Variants in CTXND1 observed in about 807,000 individuals in gnomAD.
CTXND1 encodes the protein cortexin domain-containing 1 protein.
intron 1 of CTXND1, among the ~76,000 whole-genome samples, chr15:80,235,079 T>C (rs1893478974): frequency 6.6e-6 from 1 of 152,122 alleles, no homozygotes; most frequent in African/African-American, 2.4e-5. Flanking sequence ...TTCCTTTGCC[T>C]CTCAGCTGCT....
At chr15:80,214,369 A>G (rs1057171596) in intron 1 of CTXND1, among the ~76,000 whole-genome samples, 1 of 152,198 alleles carries the variant, frequency 6.6e-6, no homozygotes, top group African/African-American at 2.4e-5. Flanking sequence ...GGGAATAGAC[A>G]TTGTTTTCAA....
chr15:80,198,610 C>CT lies in CTXND1; in HGVS notation c.*3159dup, dbSNP rs1442451480. Reference sequence around the variant, plus strand: ...CAACTGAAGCCTGAGATTCCAGTTGCTTTTTTCTCCTTAATATGATCCAGT... The same window carrying CT: ...CAACTGAAGCCTGAGATTCCAGTTGCTTTTTTTCTCCTTAATATGATCCAGT... On this transcript the variant is annotated 3_prime_UTR_variant, in exon 3 of 3. Transcript: ENST00000560778. The CT allele has an allele frequency of 3.9e-5, 6 of 152,192 alleles. No individual in the cohort carries two copies. Among genetic ancestry groups the CT allele is most frequent in the Non-Finnish European group, 7.3e-5 (5 of 68,034 alleles). 9.4% of individuals were successfully genotyped at this position (152,192 alleles called of 1,614,324 possible).
chr15:80,202,169 C>T (rs931113971), intron 2 of CTXND1, among the ~76,000 whole-genome samples, 155 bp from the exon 3 acceptor site: 1 of 148,142 alleles, frequency 6.8e-6, no homozygotes, highest in African/African-American at 2.5e-5. Context: ...GGGATGGGTA[C>T]ACATGGACCC....
rs962198062 is a variant in CTXND1, at chr15:80,201,085, G to C, written c.*685C>G. 1 of 152,110 alleles carries C rather than the reference G, an allele frequency of 6.6e-6. No individual in the cohort carries two copies. The highest frequency in any genetic ancestry group is 2.4e-5 in the African/African-American group (1 of 41,412). 9.4% of individuals were successfully genotyped at this position (152,110 alleles called of 1,614,324 possible). ...CAAAATGGTGGTTTCCGGGAGGTGG[G>C]ATTATAAGTGTTATTTCCTCCCCCT... On this transcript the variant is annotated 3_prime_UTR_variant, in exon 3 of 3. Coordinates refer to ENST00000560778, the MANE Select transcript of CTXND1 (RefSeq NM_001352888.2).
At chr15:80,227,430 G>A (rs1893384267) in intron 1 of CTXND1, among the ~76,000 whole-genome samples, 1 of 152,150 alleles carries the variant, frequency 6.6e-6, no homozygotes, top group Non-Finnish European at 1.5e-5. Context: ...CAGGCTGTCA[G>A]AATTCTGTCT....
chr15:80,212,616 G>A (rs1893213025), intron 1 of CTXND1, among the ~76,000 whole-genome samples: 1 of 152,182 alleles, frequency 6.6e-6, no homozygotes, highest in Non-Finnish European at 1.5e-5. Flanking sequence ...AGCCATCTCA[G>A]CAGAAGTTAG....
intron 1 of CTXND1, among the ~76,000 whole-genome samples, chr15:80,229,212 C>T (rs1030024376): frequency 4.6e-5 from 7 of 152,156 alleles, no homozygotes; most frequent in East Asian, 1.9e-4. Flanking sequence ...CCCTCCCGCC[C>T]GGCCCCGCAC....
chr15:80,225,134 G>A (rs1021867450), intron 1 of CTXND1, among the ~76,000 whole-genome samples: 1 of 152,186 alleles, frequency 6.6e-6, no homozygotes, highest in Non-Finnish European at 1.5e-5. Context: ...GGTTCAAGAT[G>A]TTCCTTTCTC....
chr15:80,205,916 T>C (rs1893143082), intron 1 of CTXND1, among the ~76,000 whole-genome samples: 1 of 152,106 alleles, frequency 6.6e-6, no homozygotes, highest in Non-Finnish European at 1.5e-5. Context: ...GGTGTTTCAG[T>C]CACACAATCT....
At chr15:80,246,634 G>A (rs1595911570) in intron 1 of CTXND1, among the ~76,000 whole-genome samples, 1 of 67,606 alleles carries the variant, frequency 1.5e-5, no homozygotes, top group Non-Finnish European at 3.1e-5. Flanking sequence ...AATGAACTGT[G>A]GACTTTGGGG....
At chr15:80,251,516 T>C (rs917788312) in intron 1 of CTXND1, among the ~76,000 whole-genome samples, 1 of 152,148 alleles carries the variant, frequency 6.6e-6, no homozygotes, top group South Asian at 2.1e-4. Flanking sequence ...GGAGAGGGAA[T>C]TTTAGGCACT....
chr15:80,221,035 A>T (rs1412841674), intron 1 of CTXND1, among the ~76,000 whole-genome samples: 1 of 151,564 alleles, frequency 6.6e-6, no homozygotes, highest in Non-Finnish European at 1.5e-5. Flanking sequence ...CAGCCTCCCG[A>T]GTAGCTGGGA....
chr15:80,206,372 C>T (rs1893147419), intron 1 of CTXND1, among the ~76,000 whole-genome samples: 1 of 152,170 alleles, frequency 6.6e-6, no homozygotes, highest in Non-Finnish European at 1.5e-5. Context: ...TGAAGTTAAG[C>T]ATCTTTGCAT....
At chr15:80,202,814 A>G (rs1302568859) in intron 2 of CTXND1, among the ~76,000 whole-genome samples, 1 of 152,176 alleles carries the variant, frequency 6.6e-6, no homozygotes, top group Non-Finnish European at 1.5e-5. Context: ...TGAAAACTGT[A>G]AGTGTTATGG....
intron 1 of CTXND1, among the ~76,000 whole-genome samples, chr15:80,209,783 C>G (rs1480094310): frequency 3.9e-5 from 6 of 152,186 alleles, no homozygotes; most frequent in Admixed American, 3.9e-4. Context: ...GTGTACCACA[C>G]CAGGGCTGGG....
At position 80,204,653 on chromosome 15, in the gene CTXND1, A is replaced by G. The variant is rs58018860; in HGVS notation, c.-217-913T>C. ...GTCCGAATAATATTCCATTGTATAT[A>G]TATATATATATATATATATACCACA... On this transcript the variant is annotated intron_variant, in intron 1 of 2. Transcript: ENST00000560778. Among the ~76,000 whole-genome samples the G allele has an allele frequency of 8.1e-5, 7 of 85,896 alleles. 1 individual carries two copies. The highest frequency in any genetic ancestry group is 3.8e-4 in the African/African-American group (6 of 15,952). The allele number at this position is 85,896 out of a possible 152,430, so 56.4% of individuals were successfully genotyped here.
intron 1 of CTXND1, among the ~76,000 whole-genome samples, chr15:80,221,562 G>A (rs965889056): frequency 2.0e-5 from 3 of 152,226 alleles, no homozygotes; most frequent in Middle Eastern, 6.8e-3. Context: ...CAGCCTGGGC[G>A]ACAGAGAGAG....
At chr15:80,217,420 AT>A (rs1356101467) in intron 1 of CTXND1, among the ~76,000 whole-genome samples, 1 of 152,174 alleles carries the variant, frequency 6.6e-6, no homozygotes, top group South Asian at 2.1e-4. Context: ...AATGGAATCT[AT>A]TTTTTTGTAC....
At chr15:80,245,465 G>C (rs577305626) in intron 1 of CTXND1, among the ~76,000 whole-genome samples, 2 of 152,310 alleles carry the variant, frequency 1.3e-5, no homozygotes, top group South Asian at 2.1e-4. Flanking sequence ...TCAGATCCTG[G>C]TTGGGACAGC....
Sources: gnomAD v4.1 joint callset for allele counts (sites outside exome capture counted in the v4.1 genomes callset) on GRCh38, gnomAD v4.1.1 for gene constraint, MANE v1.5 for transcripts, NCBI Gene and HGNC (gene_info 2026-07-23, HGNC 2026-07-21) for gene names.